The following SPOPL variants were observed in gnomAD, a reference collection of about 807,000 sequenced individuals.
SPOPL encodes speckle type BTB/POZ protein like, also known as speckle-type POZ protein-like.
Under a neutral mutation model 53.8 loss-of-function variants are expected in SPOPL, and 23 were observed. The ratio of observed to expected loss-of-function variants is 0.43; its 90% CI spans 0.31 to 0.61. The LOEUF is 0.61. Among genes scored for constraint, SPOPL ranks in the 20% least tolerant of loss-of-function variants. SPOPL has a pLI of 0.12. For missense variants in SPOPL, 442 were observed against 466.9 expected (o/e 0.95, Z 0.49); for synonymous variants, 164 against 149.7 (o/e 1.10, Z -0.70).
rs1439001703 is a variant in SPOPL at position 138,568,939 on chromosome 2, A to G, written c.1038A>G (p.Gln346=). ...CKDGKNWNSN[Q]ATDIMETSGW... ...ATCTTTTAATTCTATTTTTCAGCCA[A>G]GCAACCGACATAATGGAAACATCAG... Residue 346 remains glutamine, a synonymous_variant, in exon 11 of 11, where the codon CAA becomes CAG. Transcript: ENST00000280098. The G allele has an allele frequency of 6.2e-7, 1 of 1,613,744 alleles. No homozygotes were observed. Among genetic ancestry groups the G allele is most frequent in the Non-Finnish European group, 8.5e-7 (1 of 1,179,822 alleles).
At chr2:138,567,740 G>A (rs1339140975) in intron 10 of SPOPL, among the ~76,000 whole-genome samples, 1 of 152,136 alleles carries the variant, frequency 6.6e-6, no homozygotes, top group African/African-American at 2.4e-5. Context: ...GTGGAAATTA[G>A]ACTTGATTGG....
chr2:138,514,911 A>T (rs1400480866), intron 1 of SPOPL, among the ~76,000 whole-genome samples: 1 of 152,096 alleles, frequency 6.6e-6, no homozygotes, highest in Non-Finnish European at 1.5e-5. Context: ...TGGGTGTAAC[A>T]TGGTATTAAG....
chr2:138,560,443 TTTAC>T (rs1280542810), intron 7 of SPOPL, among the ~76,000 whole-genome samples: 4 of 150,312 alleles, frequency 2.7e-5, no homozygotes, highest in East Asian at 2.1e-4. Context: ...TTTCTGTTTG[TTTAC>T]TTGTTTTTTT....
rs190692344 is a variant in SPOPL at position 138,523,825 on chromosome 2, G to C, written c.-61+21706G>C. 2.6e-5 allele frequency among the ~76,000 whole-genome samples: 4 copies of C among 152,322 alleles called. No individual in the cohort carries two copies. In the East Asian group the frequency reaches 7.7e-4, roughly 29 times the overall value. On this transcript the variant is annotated intron_variant, in intron 1 of 10. Transcript: ENST00000280098. ...GCAGTTCTGCCCCTGTGGTTTTGCA[G>C]GGTACAGCCTCCCTCCTGACTGCTT... is the stretch of plus-strand genomic sequence containing the variant.
rs73959454 is a variant in SPOPL, at chr2:138,514,751, G to A, written c.-61+12632G>A. 9.4e-3 allele frequency among the ~76,000 whole-genome samples: 1,436 copies of A among 152,246 alleles called. 28 individuals carry two copies. Among genetic ancestry groups the A allele is most frequent in the African/African-American group, 0.033 (1,368 of 41,534 alleles). The stretch of plus-strand genomic sequence containing the variant: ...GTAATATAATCACTGGGTCATATGT[G>A]TGCCTTGTTCAGTTTTAGTATAACC... On this transcript the variant is annotated intron_variant, in intron 1 of 10. Transcript: ENST00000280098.
chr2:138,505,142 CTTAT>C (rs1170598878), intron 1 of SPOPL, among the ~76,000 whole-genome samples: 11 of 152,110 alleles, frequency 7.2e-5, no homozygotes, highest in African/African-American at 1.2e-4. Context: ...TTCTGAATAT[CTTAT>C]TTATTTATTT....
chr2:138,522,068 C>T (rs2104865171), intron 1 of SPOPL, among the ~76,000 whole-genome samples: 1 of 152,232 alleles, frequency 6.6e-6, no homozygotes, highest in South Asian at 2.1e-4. Flanking sequence ...TGACCCGGAC[C>T]CGCTGAACCC....
At position 138,566,237 on chromosome 2, in the gene SPOPL, TATC is replaced by T. The variant is rs200757738; in HGVS notation, c.1034+1247_1034+1249del. On this transcript the variant is annotated intron_variant, in intron 10 of 10. Coordinates refer to ENST00000280098, the MANE Select transcript of SPOPL (RefSeq NM_001001664.3). The stretch of plus-strand genomic sequence containing the variant: ...CGTTGGTCAGTGTATGCTAATATGA[TATC>T]ATTATGGCATTTGATCCTAGAGAAA... Among the ~76,000 whole-genome samples, 1,035 of 152,320 alleles carry T rather than the reference TATC, an allele frequency of 6.8e-3. 13 individuals carry two copies. Among genetic ancestry groups the T allele is most frequent in the African/African-American group, 0.024 (984 of 41,578 alleles).
intron 1 of SPOPL, among the ~76,000 whole-genome samples, chr2:138,502,421 C>T (rs1489888614): frequency 6.6e-6 from 1 of 152,246 alleles, no homozygotes; most frequent in Non-Finnish European, 1.5e-5. Context: ...GGGCCTCGCC[C>T]CTTCTTTTCC....
chr2:138,526,898 G>A (rs1684688781), intron 1 of SPOPL, among the ~76,000 whole-genome samples: 1 of 151,966 alleles, frequency 6.6e-6, no homozygotes, highest in Admixed American at 6.6e-5. Flanking sequence ...GCTAATTTTT[G>A]TGTTTTTAGT....
At chr2:138,525,671 A>AAAAAAT (rs1558865894) in intron 1 of SPOPL, among the ~76,000 whole-genome samples, 1 of 148,138 alleles carries the variant, frequency 6.8e-6, no homozygotes. Context: ...AAAAAAAAAA[A>AAAAAAT]AAATACACAA....
intron 5 of SPOPL, among the ~76,000 whole-genome samples, chr2:138,554,209 G>A (rs1685373690): frequency 6.6e-6 from 1 of 150,812 alleles, no homozygotes; most frequent in African/African-American, 2.4e-5. Flanking sequence ...GTATCCATAT[G>A]CTACATGCTA....
At chr2:138,536,337 G>GCCCCC (rs74611889) in intron 1 of SPOPL, among the ~76,000 whole-genome samples, 1 of 98,602 alleles carries the variant, frequency 1.0e-5, no homozygotes, top group African/African-American at 4.0e-5. Flanking sequence ...TCTATTTAGT[G>GCCCCC]CCCCCCCCCC....
At position 138,566,999 on chromosome 2, in the gene SPOPL, G is replaced by A. The variant is rs78962199; in HGVS notation, c.1035-1937G>A. On this transcript the variant is annotated intron_variant, in intron 10 of 10. Coordinates refer to ENST00000280098, the MANE Select transcript of SPOPL (RefSeq NM_001001664.3). ...ACAGCATGAACCAAAGTATAGAAGCGTAAAGTAGTAGTTGATCATTCATTT... is the reference window on the plus strand; with the variant it reads ...ACAGCATGAACCAAAGTATAGAAGCATAAAGTAGTAGTTGATCATTCATTT... 4.9e-3 allele frequency among the ~76,000 whole-genome samples: 747 copies of A among 152,244 alleles called. 7 individuals are homozygous for A. The highest frequency in any genetic ancestry group is 0.017 in the African/African-American group (715 of 41,540).
At chr2:138,536,488 C>A (rs1573887991) in intron 1 of SPOPL, among the ~76,000 whole-genome samples, 1 of 152,146 alleles carries the variant, frequency 6.6e-6, no homozygotes, top group African/African-American at 2.4e-5. Context: ...TGTTAAGGTC[C>A]ATTAATCTAG....
rs1473782589 is a variant in SPOPL at position 138,517,822 on chromosome 2, G to A, written c.-61+15703G>A. On this transcript the variant is annotated intron_variant, in intron 1 of 10. Coordinates refer to ENST00000280098, the MANE Select transcript of SPOPL (RefSeq NM_001001664.3). ...AGCAGTTTGGGAGGCCGAGGCGGGC[G>A]GATCACCTGAGGTCAGGAATTTGAG... Among the ~76,000 whole-genome samples, 9 of 151,866 alleles carry A rather than the reference G, an allele frequency of 5.9e-5. No homozygotes were observed. The South Asian group carries it at 6.2e-4, about 11-fold the overall frequency.
intron 1 of SPOPL, among the ~76,000 whole-genome samples, chr2:138,508,659 A>G (rs574919892): frequency 6.6e-6 from 1 of 152,298 alleles, no homozygotes; most frequent in Admixed American, 6.5e-5. Flanking sequence ...CAGTAAATGA[A>G]AAGTTCTAGA....
chr2:138,520,269 T>G (rs1684528521), intron 1 of SPOPL, among the ~76,000 whole-genome samples: 2 of 152,228 alleles, frequency 1.3e-5, no homozygotes, highest in South Asian at 4.1e-4. Context: ...TGCTGAAATT[T>G]GCAAAACTTT....
intron 4 of SPOPL, 53 bp downstream of exon 4, chr2:138,551,107 ACTT>A (rs796303220): frequency 1.3e-6 from 2 of 1,592,492 alleles, no homozygotes; most frequent in East Asian, 2.2e-5. Context: ...ACATATTATG[ACTT>A]CTTCTGCACC....
Sources: gnomAD v4.1 joint callset for allele counts (sites outside exome capture counted in the v4.1 genomes callset) on GRCh38, gnomAD v4.1.1 for gene constraint, MANE v1.5 for transcripts, NCBI Gene and HGNC (gene_info 2026-07-23, HGNC 2026-07-21) for gene names.